Variants in NRCAM observed in about 807,000 individuals in gnomAD.
NRCAM encodes neuronal cell adhesion molecule, also known as NgCAM-related cell adhesion molecule.
A neutral mutation model predicts 156.5 loss-of-function variants in NRCAM; 83 were observed. The ratio of observed to expected loss-of-function variants is 0.53; its 90% CI spans 0.44 to 0.64. NRCAM has a LOEUF of 0.64. Ranked by LOEUF, NRCAM falls within the 30% of genes least tolerant of loss-of-function variation. The pLI is 0.00. For missense variants in NRCAM, 1,417 were observed against 1,597.3 expected (o/e 0.89, Z 1.92); for synonymous variants, 538 against 563.9 (o/e 0.95, Z 0.65).
At chr7:108,209,763 TCA>T (rs750955183) in intron 11 of NRCAM, among the ~76,000 whole-genome samples, 158 bp from the exon 12 acceptor site, 10 of 152,246 alleles carry the variant, frequency 6.6e-5, no homozygotes, top group African/African-American at 2.2e-4. Flanking sequence ...TAAATAATGC[TCA>T]CAGTTTTACG....
In NRCAM at chr7:108,181,859, G is replaced by A. The variant is rs1490226609; in HGVS notation, c.2609C>T (p.Pro870Leu). 5.6e-6 allele frequency: 9 copies of A among 1,613,944 alleles called. No homozygotes were observed. The East Asian group carries it at 2.0e-4, about 36-fold the overall frequency. The change falls in exon 24 of 33, where the codon CCT becomes CTT. Residue 870 changes from proline to leucine, a missense_variant. Physicochemically the swap from Pro to Leu is moderately conservative, Grantham distance 98. Around this residue, in one of 2 missense-constraint regions of NRCAM, gnomAD observed 1,238 missense variants for 1,336.4 expected, o/e 0.93. Coordinates refer to ENST00000379028, the MANE Select transcript of NRCAM (RefSeq NM_001037132.4). ...TAGGTGTCCTCGGATGCTTTTCAGA[G>A]GTACTGGGTCCCAGTGCACCTCGGC... ...TLAEVHWDPVPLKSIRGHLQG... is the reference protein window; with the variant it reads ...TLAEVHWDPVLLKSIRGHLQG...
intron 32 of NRCAM, among the ~76,000 whole-genome samples, chr7:108,151,588 G>C (rs903220298): frequency 1.3e-5 from 2 of 152,020 alleles, no homozygotes; most frequent in African/African-American, 4.8e-5. Flanking sequence ...AAAACAACCT[G>C]TTTCAGTAAT....
chr7:108,189,729 A>G lies in NRCAM; in HGVS notation c.1951T>C (p.Phe651Leu). The change falls in exon 20 of 33, where the codon TTT becomes CTT. Residue 651 changes from phenylalanine to leucine, a missense_variant. This residue lies in a region of NRCAM where 1,238 missense variants were observed against 1,336.4 expected (regional missense o/e 0.93). Transcript: ENST00000379028. ...AGTTGATCTGTCAGTTCTAAGTCAAAGGGAGGATTTGGGACATCTGTAGAC... is the reference window on the plus strand; with the variant it reads ...AGTTGATCTGTCAGTTCTAAGTCAAGGGGAGGATTTGGGACATCTGTAGAC... The part of the protein sequence containing the change: ...APVYDVPNPP[F>L]DLELTDQLDK... The G allele has an allele frequency of 6.6e-7, 1 of 1,506,416 alleles. No homozygotes were observed. The highest frequency in any genetic ancestry group is 9.2e-7 in the Non-Finnish European group (1 of 1,084,680). 93.3% of individuals were successfully genotyped at this position (1,506,416 alleles called of 1,614,324 possible).
chr7:108,320,503 C>T (rs1230782059), intron 2 of NRCAM, among the ~76,000 whole-genome samples: 1 of 150,052 alleles, frequency 6.7e-6, no homozygotes, highest in South Asian at 2.1e-4. Flanking sequence ...CTAATGAAGC[C>T]GAGATCACAC....
At chr7:108,231,400 T>G (rs191933088) in intron 7 of NRCAM, among the ~76,000 whole-genome samples, 211 of 152,340 alleles carry the variant, frequency 1.4e-3, no homozygotes, top group Non-Finnish European at 2.2e-3. Flanking sequence ...TGAGAATTTA[T>G]ACTACATACA....
intron 1 of NRCAM, among the ~76,000 whole-genome samples, chr7:108,414,950 T>TC (rs1267887837): frequency 6.6e-6 from 1 of 151,804 alleles, no homozygotes; most frequent in African/African-American, 2.4e-5. Context: ...GCAGGGTGAG[T>TC]CCAGGGTTCA....
intron 1 of NRCAM, among the ~76,000 whole-genome samples, chr7:108,455,989 C>T (rs1375378952): frequency 6.6e-6 from 1 of 152,200 alleles, no homozygotes; most frequent in African/African-American, 2.4e-5. Context: ...TGGATTTCAG[C>T]TGTGCCTTCA....
intron 13 of NRCAM, among the ~76,000 whole-genome samples, chr7:108,203,077 G>A (rs912870992): frequency 6.6e-6 from 1 of 152,168 alleles, no homozygotes; most frequent in African/African-American, 2.4e-5. Context: ...CCCCCTCAGT[G>A]TGGCTTTGAA....
chr7:108,341,220 C>T (rs547924898), intron 2 of NRCAM, among the ~76,000 whole-genome samples: 29 of 152,332 alleles, frequency 1.9e-4, no homozygotes, highest in African/African-American at 5.8e-4. Flanking sequence ...CCAGATGATC[C>T]GGCAGCAGGA....
chr7:108,210,421 T>G (rs896647996), intron 11 of NRCAM, among the ~76,000 whole-genome samples: 32 of 152,158 alleles, frequency 2.1e-4, no homozygotes, highest in African/African-American at 7.5e-4. Context: ...TAATTTTTTG[T>G]ATTTTTAGTA....
chr7:108,181,606 T>C (rs1265581787), intron 24 of NRCAM, among the ~76,000 whole-genome samples: 1 of 118,056 alleles, frequency 8.5e-6, no homozygotes, highest in African/African-American at 2.7e-5. Context: ...GTGGGAAAAA[T>C]GGAGAAAACT....
intron 2 of NRCAM, among the ~76,000 whole-genome samples, chr7:108,327,475 T>A (rs2099081689): frequency 6.6e-6 from 1 of 152,200 alleles, no homozygotes; most frequent in African/African-American, 2.4e-5. Context: ...TTGCTTCATG[T>A]CCAGCTGTAA....
chr7:108,231,218 C>A, intron 7 of NRCAM, 65 bp from the exon 8 acceptor site: 4 of 1,184,412 alleles, frequency 3.4e-6, no homozygotes, highest in Non-Finnish European at 4.6e-6. Context: ...GAAAGCCCTA[C>A]AAATAAAGGC....
intron 2 of NRCAM, among the ~76,000 whole-genome samples, chr7:108,363,578 C>T (rs1357041730): frequency 1.3e-5 from 2 of 152,158 alleles, no homozygotes; most frequent in African/African-American, 2.4e-5. Context: ...GTGAACTGCT[C>T]ATAGTGACTT....
intron 2 of NRCAM, among the ~76,000 whole-genome samples, chr7:108,362,805 T>C (rs1303186324): frequency 6.6e-6 from 1 of 152,154 alleles, no homozygotes. Flanking sequence ...TCTACACAGG[T>C]TATCATGCAT....
At chr7:108,250,805 A>C (rs2096296076) in intron 3 of NRCAM, among the ~76,000 whole-genome samples, 1 of 152,122 alleles carries the variant, frequency 6.6e-6, no homozygotes, top group South Asian at 2.1e-4. Flanking sequence ...GGGATGGATA[A>C]CCCATTTTAC....
intron 1 of NRCAM, among the ~76,000 whole-genome samples, chr7:108,420,942 T>C (rs554552325): frequency 4.1e-4 from 63 of 152,286 alleles, no homozygotes; most frequent in Middle Eastern, 3.4e-3. Context: ...CTCTTTAATA[T>C]AGTAAGAGCA....
chr7:108,202,443 G>A (rs975017124), intron 13 of NRCAM, among the ~76,000 whole-genome samples: 1 of 152,174 alleles, frequency 6.6e-6, no homozygotes, highest in Non-Finnish European at 1.5e-5. Context: ...GGAGATGAGA[G>A]ACTACAAATG....
At chr7:108,172,274 C>CATTT (rs71137610) in intron 28 of NRCAM, among the ~76,000 whole-genome samples, 86,568 of 150,604 alleles carry the variant, frequency 0.57, 29,452 homozygotes, top group East Asian at 0.82. Context: ...ACCCTGAAAT[C>CATTT]ATTTATTTAT....
Sources: allele counts gnomAD v4.1 joint callset (sites outside exome capture counted in the v4.1 genomes callset), GRCh38; gene constraint gnomAD v4.1.1; regional missense constraint gnomAD v4.1.1; transcripts MANE v1.5; gene names NCBI Gene and HGNC (gene_info 2026-07-23, HGNC 2026-07-21).